The following TUSC3 variants were observed in gnomAD, a reference collection of about 807,000 sequenced individuals.
TUSC3 encodes tumor suppressor candidate 3.
In TUSC3, 45 loss-of-function variants were observed where a neutral mutation model predicts 44.8. That is an observed-to-expected ratio of 1.00 (90% CI 0.79 to 1.29). The LOEUF (loss-of-function observed/expected upper bound fraction) is 1.29. Ranked by LOEUF, TUSC3 falls within the 50% of genes most tolerant of loss-of-function variation. The pLI is 0.00. For synonymous variants in TUSC3, 212 were observed against 152.9 expected, an observed-to-expected ratio of 1.39 and a Z score of -2.85; for missense variants, 519 against 437.9, an observed-to-expected ratio of 1.19 and a Z score of -1.65.
chr8:15,453,685 A>C (rs545597809), intron 1 of TUSC3, among the ~76,000 whole-genome samples: 1 of 152,194 alleles, frequency 6.6e-6, no homozygotes, highest in South Asian at 2.1e-4. Context: ...TACATTAATC[A>C]CTTGGGACTT....
chr8:15,756,316 A>T (rs1811926750), intron 9 of TUSC3, among the ~76,000 whole-genome samples: 2 of 152,100 alleles, frequency 1.3e-5, no homozygotes, highest in Admixed American at 1.3e-4. Flanking sequence ...TAATCTGTAA[A>T]CTTGGTATGA....
chr8:15,552,612 C>T (rs1802097849), intron 1 of TUSC3, among the ~76,000 whole-genome samples: 1 of 151,636 alleles, frequency 6.6e-6, no homozygotes. Context: ...ATTCAGAGAA[C>T]TCAAAGCTTG....
chr8:15,659,722 A>G, intron 4 of TUSC3, 75 bp downstream of exon 4: 1 of 1,573,114 alleles, frequency 6.4e-7, no homozygotes, highest in East Asian at 2.2e-5. Context: ...ATAAGGCCAC[A>G]GTAATACTTT....
At chr8:15,480,556 A>G (rs1442135616) in intron 1 of TUSC3, among the ~76,000 whole-genome samples, 1 of 152,124 alleles carries the variant, frequency 6.6e-6, no homozygotes, top group African/African-American at 2.4e-5. Flanking sequence ...ATTCTTTCTT[A>G]ATTTGTGATT....
Position 15,471,931 on chromosome 8 carries a change from A to T in TUSC3, n.92-11455A>T, listed in dbSNP as rs183158711. Among the ~76,000 whole-genome samples the T allele has an allele frequency of 3.3e-5, 5 of 152,244 alleles. No homozygotes were observed. In the East Asian group the frequency reaches 7.7e-4, roughly 24 times the overall value. ...CCACACCTGGCCCCCAGTTCTAATG[A>T]TTTAACATCATAGTTGAATAACATA... On this transcript the variant is annotated intron_variant and non_coding_transcript_variant, in intron 1 of 5. Transcript: ENST00000503191.
At chr8:15,668,967 T>C (rs1369731197) in intron 5 of TUSC3, among the ~76,000 whole-genome samples, 1 of 151,724 alleles carries the variant, frequency 6.6e-6, no homozygotes, top group Non-Finnish European at 1.5e-5. Flanking sequence ...GGAAAGCTTC[T>C]AAAAAGCAGA....
At chr8:15,605,112 C>G (rs761427374) in intron 1 of TUSC3, among the ~76,000 whole-genome samples, 1 of 151,792 alleles carries the variant, frequency 6.6e-6, no homozygotes, top group South Asian at 2.1e-4. Flanking sequence ...GAAACATCCT[C>G]ATTTTCTCAA....
At chr8:15,833,842 TA>T in the TUSC3 span, among the ~76,000 whole-genome samples, 110,621 of 148,826 alleles carry the variant, frequency 0.74, 41,493 homozygotes, top group Non-Finnish European at 0.83. Context: ...ACTTAAAAGT[TA>T]AAAAAAAAAA....
intron 6 of TUSC3, among the ~76,000 whole-genome samples, chr8:15,682,147 G>A (rs377063255): frequency 1.3e-5 from 2 of 152,132 alleles, no homozygotes; most frequent in Non-Finnish European, 2.9e-5. Context: ...TGCAGTTGTT[G>A]TGTGGAGTAT....
At chr8:15,554,490 T>A (rs1341544309) in intron 1 of TUSC3, among the ~76,000 whole-genome samples, 1 of 151,622 alleles carries the variant, frequency 6.6e-6, no homozygotes, top group East Asian at 1.9e-4. Flanking sequence ...AATGAAGAAA[T>A]GTACTTTTAT....
intron 1 of TUSC3, among the ~76,000 whole-genome samples, chr8:15,426,115 A>G (rs1799800514): frequency 6.6e-6 from 1 of 152,224 alleles, no homozygotes; most frequent in African/African-American, 2.4e-5. Flanking sequence ...AGAGAGCTGC[A>G]TATATTTAAA....
chr8:15,430,112 C>T (rs575108463), intron 1 of TUSC3, among the ~76,000 whole-genome samples: 1 of 150,968 alleles, frequency 6.6e-6, no homozygotes, highest in South Asian at 2.1e-4. Context: ...AGGGAATCCT[C>T]CCTAATTCAT....
chr8:15,438,483 T>C (rs79220628), intron 1 of TUSC3, among the ~76,000 whole-genome samples: 127 of 152,302 alleles, frequency 8.3e-4, no homozygotes, highest in African/African-American at 3.0e-3. Context: ...TTGGAGGTGT[T>C]ATTGTTTCTG....
chr8:15,786,020 T>C, the TUSC3 span, among the ~76,000 whole-genome samples: 1 of 152,240 alleles, frequency 6.6e-6, no homozygotes, highest in East Asian at 1.9e-4. Flanking sequence ...CTTTATACAT[T>C]CTTGAGATGT....
chr8:15,636,079 T>TC (rs1347283961), intron 2 of TUSC3, among the ~76,000 whole-genome samples: 4 of 152,132 alleles, frequency 2.6e-5, no homozygotes, highest in Non-Finnish European at 5.9e-5. Context: ...TCAAAGTGGG[T>TC]CTTGGTCAGG....
the TUSC3 span, among the ~76,000 whole-genome samples, chr8:15,798,376 TC>T: frequency 6.6e-6 from 1 of 152,158 alleles, no homozygotes; most frequent in Non-Finnish European, 1.5e-5. Context: ...TTTGAATCCT[TC>T]CCCTTTTCAA....
chr8:15,673,774 C>T lies in TUSC3; in HGVS notation c.736C>T (p.Gln246Ter). 1.2e-6 allele frequency: 2 copies of T among 1,612,810 alleles called. No homozygotes were observed. Among genetic ancestry groups the T allele is most frequent in the Non-Finnish European group, 1.7e-6 (2 of 1,179,118 alleles). Reference protein sequence around the residue: ...LCIVFAMTSGQMWNHIRGPPY... With the variant: ...LCIVFAMTSG ...TATAGTCTTTGCTATGACTTCTGGC[C>T]AGATGTGGAACCATATCCGTGGACC... The change falls in exon 6 of 11, where the codon CAG becomes TAG. Residue 246 changes from glutamine to a stop codon, truncating the protein, a stop_gained. Coordinates refer to ENST00000503731, the MANE Select transcript of TUSC3 (RefSeq NM_006765.4). LOFTEE classifies it high-confidence loss of function.
In TUSC3 at chr8:15,602,762, A is replaced by G. The variant is rs1804345203; in HGVS notation, c.139-20318A>G. ...AAATATGGGTTGTATGGAACCTAAT[A>G]TGTAGTATGAGTTTAACTTAGATTA... is the stretch of plus-strand genomic sequence containing the variant. On this transcript the variant is annotated intron_variant, in intron 1 of 10. Transcript: ENST00000503731. Among the ~76,000 whole-genome samples, 3 of 151,268 alleles carry G rather than the reference A, an allele frequency of 2.0e-5. No homozygotes were observed. The Admixed American group carries it at 2.0e-4, about 10-fold the overall frequency.
intron 8 of TUSC3, 122 bp from the exon 9 acceptor site, chr8:15,748,253 C>CTGTA (rs1226518557): frequency 3.5e-5 from 27 of 767,848 alleles, no homozygotes; most frequent in Admixed American, 2.4e-4. Flanking sequence ...TTTGTTGTAC[C>CTGTA]TGTATGTACC....
Sources: gnomAD v4.1 joint callset for allele counts (sites outside exome capture counted in the v4.1 genomes callset) on GRCh38, gnomAD v4.1.1 for gene constraint, MANE v1.5 for transcripts, NCBI Gene and HGNC (gene_info 2026-07-23, HGNC 2026-07-21) for gene names.